The following ROBO1 variants were observed in gnomAD, a reference collection of about 807,000 sequenced individuals.
The protein encoded by ROBO1 is roundabout homolog 1.
A neutral mutation model predicts 195.9 loss-of-function variants in ROBO1; 149 were observed. That is an observed-to-expected ratio of 0.76 (90% CI 0.67 to 0.87). The LOEUF (loss-of-function observed/expected upper bound fraction) is 0.87, where lower values mean the gene tolerates loss of function less well. ROBO1 is among the 40% of genes least tolerant of loss of function. The pLI, the probability that ROBO1 is intolerant of heterozygous loss-of-function variation, is 0.00. For missense variants in ROBO1, 1,933 were observed against 2,068.3 expected (o/e 0.93, Z 1.27); for synonymous variants, 816 against 733.2 (o/e 1.11, Z -1.82).
intron 2 of ROBO1, among the ~76,000 whole-genome samples, chr3:79,230,370 T>C (rs2082297419): frequency 6.6e-6 from 1 of 152,162 alleles, no homozygotes; most frequent in South Asian, 2.1e-4. Flanking sequence ...TCTCACCTTT[T>C]GTCTCTAGTA....
At position 78,931,179 on chromosome 3, in the gene ROBO1, C is replaced by T. The variant is rs112598056; in HGVS notation, c.499+7422G>A. ...TTTGGACAAACTATATTTTGGTATT[C>T]TTCACATTTTTATTCAATTTCTGAC... On this transcript the variant is annotated intron_variant, in intron 4 of 30. Transcript: ENST00000464233. 7.4e-3 allele frequency among the ~76,000 whole-genome samples: 1,079 copies of T among 146,460 alleles called. 12 individuals are homozygous for T. Among genetic ancestry groups the T allele is most frequent in the African/African-American group, 0.026 (1,045 of 40,062 alleles).
At chr3:79,562,707 A>T (rs1429936668) in intron 2 of ROBO1, among the ~76,000 whole-genome samples, 2 of 152,016 alleles carry the variant, frequency 1.3e-5, no homozygotes, top group Admixed American at 6.6e-5. Flanking sequence ...CTGTTTTATC[A>T]TATTATTTTT....
chr3:78,693,205 A>C (rs1287875976), intron 8 of ROBO1: 1 of 1,080,208 alleles, frequency 9.3e-7, no homozygotes, highest in African/African-American at 1.6e-5. Flanking sequence ...TATTCTGTGC[A>C]GTCTGTCTTT....
intron 2 of ROBO1, among the ~76,000 whole-genome samples, chr3:79,448,309 A>T (rs1231610180): frequency 6.6e-6 from 1 of 152,196 alleles, no homozygotes; most frequent in East Asian, 1.9e-4. Flanking sequence ...TAAACACAAA[A>T]GTAATATTCA....
rs975975672 is a variant in ROBO1 at position 79,626,509 on chromosome 3, A to G, written c.-50-36548T>C. ...TTGATGGACCATATCTCAAAATAGTAAGAGCTATTTATGACAAATGCACAG... is the reference window on the plus strand; with the variant it reads ...TTGATGGACCATATCTCAAAATAGTGAGAGCTATTTATGACAAATGCACAG... On this transcript the variant is annotated intron_variant, in intron 1 of 30. Coordinates refer to ENST00000464233, the MANE Select transcript of ROBO1 (RefSeq NM_002941.4). 2.0e-5 allele frequency among the ~76,000 whole-genome samples: 3 copies of G among 152,324 alleles called. No individual in the cohort carries two copies. The South Asian group carries it at 6.2e-4, about 32-fold the overall frequency.
intron 3 of ROBO1, among the ~76,000 whole-genome samples, chr3:79,005,272 T>C (rs951255900): frequency 3.3e-5 from 5 of 152,188 alleles, no homozygotes; most frequent in East Asian, 1.9e-4. Context: ...CCCTTCTTCA[T>C]GCCTGTGAGC....
At chr3:79,062,551 A>G (rs1433296576) in intron 3 of ROBO1, among the ~76,000 whole-genome samples, 1 of 152,182 alleles carries the variant, frequency 6.6e-6, no homozygotes, top group African/African-American at 2.4e-5. Flanking sequence ...ATTCACACAT[A>G]TGTTTATTGC....
At position 79,702,196 on chromosome 3, in the gene ROBO1, A is replaced by G. The variant is rs1947640936; in HGVS notation, c.-51+65556T>C. 2.0e-5 allele frequency among the ~76,000 whole-genome samples: 3 copies of G among 152,024 alleles called. No individual in the cohort carries two copies. In the South Asian group the frequency reaches 6.2e-4, roughly 31 times the overall value. ...ATATGCACAATTCTAAGGATATTTGAAGCAAAATCTACAGCTGAAATGGTA... is the reference window on the plus strand; with the variant it reads ...ATATGCACAATTCTAAGGATATTTGGAGCAAAATCTACAGCTGAAATGGTA... On this transcript the variant is annotated intron_variant, in intron 1 of 30. Transcript: ENST00000464233.
At chr3:78,773,573 G>A (rs1465258947) in intron 4 of ROBO1, among the ~76,000 whole-genome samples, 7 of 151,846 alleles carry the variant, frequency 4.6e-5, no homozygotes, top group African/African-American at 1.7e-4. Flanking sequence ...TATATCTTCA[G>A]AATAAAATGA....
At chr3:79,524,179 G>GTA (rs1378015554) in intron 2 of ROBO1, among the ~76,000 whole-genome samples, 1 of 150,830 alleles carries the variant, frequency 6.6e-6, no homozygotes, top group Non-Finnish European at 1.5e-5. Context: ...GTGTGTGTGT[G>GTA]TGTGTGTGAC....
At chr3:79,286,207 A>G (rs1438706241) in intron 2 of ROBO1, among the ~76,000 whole-genome samples, 1 of 152,194 alleles carries the variant, frequency 6.6e-6, no homozygotes, top group Non-Finnish European at 1.5e-5. Context: ...TCTAACTGGC[A>G]TTTAGCTTAA....
At chr3:78,628,997 G>A (rs1705001750) in intron 25 of ROBO1, among the ~76,000 whole-genome samples, 1 of 152,130 alleles carries the variant, frequency 6.6e-6, no homozygotes, top group South Asian at 2.1e-4. Flanking sequence ...TTCAAAATAA[G>A]AAATGGCTCT....
At chr3:78,773,374 G>A (rs890853863) in intron 4 of ROBO1, among the ~76,000 whole-genome samples, 11 of 151,972 alleles carry the variant, frequency 7.2e-5, no homozygotes, top group Non-Finnish European at 1.3e-4. Context: ...TTTTCAAATT[G>A]AGTTCTTTAA....
chr3:78,717,606 AT>A (rs201278215), intron 6 of ROBO1, among the ~76,000 whole-genome samples, 156 bp downstream of exon 6: 1,614 of 152,036 alleles, frequency 0.011, 34 homozygotes, highest in African/African-American at 0.037. Context: ...ATCTTTGGCT[AT>A]TTTATCTCAA....
At chr3:79,613,315 G>C (rs980657000) in intron 1 of ROBO1, among the ~76,000 whole-genome samples, 54 of 152,020 alleles carry the variant, frequency 3.6e-4, no homozygotes, top group Admixed American at 7.2e-4. Context: ...AAAGTAATTG[G>C]TTTGGGATTG....
At chr3:79,524,790 T>C (rs1941357781) in intron 2 of ROBO1, among the ~76,000 whole-genome samples, 1 of 152,142 alleles carries the variant, frequency 6.6e-6, no homozygotes, top group Non-Finnish European at 1.5e-5. Context: ...ATAAAGGTTG[T>C]ATATTTCTAA....
At chr3:79,317,663 T>A (rs1339738826) in intron 2 of ROBO1, among the ~76,000 whole-genome samples, 3 of 152,156 alleles carry the variant, frequency 2.0e-5, no homozygotes, top group Non-Finnish European at 2.9e-5. Flanking sequence ...TAGATCATAA[T>A]CAACATCCCA....
chr3:78,814,650 C>T (rs1366131807), intron 4 of ROBO1, among the ~76,000 whole-genome samples: 2 of 151,978 alleles, frequency 1.3e-5, no homozygotes, highest in Non-Finnish European at 1.5e-5. Context: ...GTAAAAAATT[C>T]CTAAGCAATA....
chr3:79,716,660 T>C (rs1702500796), intron 1 of ROBO1, among the ~76,000 whole-genome samples: 1 of 151,918 alleles, frequency 6.6e-6, no homozygotes, highest in African/African-American at 2.4e-5. Flanking sequence ...AATATGGTAT[T>C]AGATGACCTG....
Sources: allele counts gnomAD v4.1 joint callset (sites outside exome capture counted in the v4.1 genomes callset), GRCh38; gene constraint gnomAD v4.1.1; transcripts MANE v1.5; gene names NCBI Gene and HGNC (gene_info 2026-07-23, HGNC 2026-07-21).